Variants in ARHGAP26 observed in about 807,000 individuals in gnomAD.
The protein encoded by ARHGAP26 is Rho GTPase activating protein 26, also known as rho GTPase-activating protein 26.
In ARHGAP26, 38 loss-of-function variants were observed where a neutral mutation model predicts 104.8. The ratio of observed to expected loss-of-function variants is 0.36; its 90% CI spans 0.28 to 0.48. ARHGAP26 has a LOEUF of 0.48. ARHGAP26 is among the 20% of genes least tolerant of loss of function. ARHGAP26 has a pLI of 0.99. For missense variants in ARHGAP26, 704 were observed against 947.9 expected (o/e 0.74, Z 3.38); for synonymous variants, 341 against 340.0 (o/e 1.00, Z -0.03).
chr5:142,917,688 C>T (rs1762674038), intron 10 of ARHGAP26, among the ~76,000 whole-genome samples: 2 of 152,088 alleles, frequency 1.3e-5, no homozygotes, highest in Non-Finnish European at 2.9e-5. Flanking sequence ...TACACCTTTT[C>T]TTCCATCTTT....
chr5:142,792,668 C>G (rs1760102151), intron 1 of ARHGAP26, among the ~76,000 whole-genome samples: 1 of 152,180 alleles, frequency 6.6e-6, no homozygotes, highest in Admixed American at 6.5e-5. Context: ...TAGTTCATGA[C>G]CTAGAGACTG....
intron 1 of ARHGAP26, among the ~76,000 whole-genome samples, chr5:142,845,759 A>G (rs1771815600): frequency 6.6e-6 from 1 of 152,196 alleles, no homozygotes; most frequent in African/African-American, 2.4e-5. Flanking sequence ...GGTCCTCACC[A>G]TGATGGCTTC....
intron 20 of ARHGAP26, among the ~76,000 whole-genome samples, chr5:143,204,952 T>C (rs1808335788): frequency 6.6e-6 from 1 of 152,036 alleles, no homozygotes; most frequent in South Asian, 2.1e-4. Context: ...TGGGCTGGGC[T>C]GTGGTTTGAA....
chr5:143,058,986 C>CA (rs1786279180), intron 17 of ARHGAP26, among the ~76,000 whole-genome samples: 1 of 152,176 alleles, frequency 6.6e-6, no homozygotes, highest in South Asian at 2.1e-4. Context: ...CTAAAGGTGT[C>CA]AAAGAATCCC....
intron 20 of ARHGAP26, among the ~76,000 whole-genome samples, chr5:143,203,969 A>G (rs1475704356): frequency 2.0e-5 from 3 of 152,098 alleles, no homozygotes; most frequent in Non-Finnish European, 2.9e-5. Context: ...CCTAATGTAG[A>G]TGATGGGTTG....
intron 14 of ARHGAP26, among the ~76,000 whole-genome samples, chr5:143,054,202 A>G (rs1421166756): frequency 2.0e-5 from 3 of 152,156 alleles, no homozygotes; most frequent in Non-Finnish European, 2.9e-5. Context: ...AAACTCTTGC[A>G]TTTGTCTCTC....
intron 1 of ARHGAP26, among the ~76,000 whole-genome samples, chr5:142,827,555 A>G (rs1767538503): frequency 6.6e-6 from 1 of 152,184 alleles, no homozygotes; most frequent in Non-Finnish European, 1.5e-5. Context: ...GGTTAAGAGC[A>G]TGGGCTTTAG....
chr5:143,086,812 T>C (rs527935961), intron 17 of ARHGAP26, among the ~76,000 whole-genome samples: 9 of 152,328 alleles, frequency 5.9e-5, no homozygotes, highest in African/African-American at 2.2e-4. Flanking sequence ...GAACTAACTT[T>C]AGTTGATATG....
chr5:143,044,627 T>A (rs903250311), intron 14 of ARHGAP26, among the ~76,000 whole-genome samples: 23 of 152,188 alleles, frequency 1.5e-4, no homozygotes. Context: ...TGAAACCCAG[T>A]GGACTGAGCA....
chr5:142,787,144 T>G (rs1362831848), intron 1 of ARHGAP26, among the ~76,000 whole-genome samples: 1 of 152,124 alleles, frequency 6.6e-6, no homozygotes, highest in African/African-American at 2.4e-5. Flanking sequence ...GCACAGAACT[T>G]CTGGCTCACT....
At chr5:142,945,349 G>A (rs189522582) in intron 11 of ARHGAP26, among the ~76,000 whole-genome samples, 6 of 152,264 alleles carry the variant, frequency 3.9e-5, no homozygotes, top group Admixed American at 3.3e-4. Context: ...ATTCTAAAGG[G>A]CAGTCTCTGT....
At chr5:142,880,609 C>G (rs542415937) in intron 4 of ARHGAP26, among the ~76,000 whole-genome samples, 7 of 152,182 alleles carry the variant, frequency 4.6e-5, no homozygotes, top group Non-Finnish European at 7.4e-5. Context: ...TCATTGGAAT[C>G]AATGAAAGCA....
At chr5:142,970,647 C>T (rs1772129771) in intron 11 of ARHGAP26, among the ~76,000 whole-genome samples, 1 of 152,178 alleles carries the variant, frequency 6.6e-6, no homozygotes, top group Non-Finnish European at 1.5e-5. Context: ...GCTGATTGGC[C>T]AGGGTGTAAC....
At chr5:143,062,753 A>G (rs1025505353) in intron 17 of ARHGAP26, among the ~76,000 whole-genome samples, 1 of 152,210 alleles carries the variant, frequency 6.6e-6, no homozygotes, top group African/African-American at 2.4e-5. Context: ...GGTTCAAAAT[A>G]AAAGAAAGTG....
chr5:143,179,261 AGG>A (rs1343147147), intron 20 of ARHGAP26, among the ~76,000 whole-genome samples: 1 of 152,214 alleles, frequency 6.6e-6, no homozygotes, highest in Non-Finnish European at 1.5e-5. Context: ...GGCTGGCATG[AGG>A]GCTTATTCCT....
chr5:142,829,253 G>C (rs11746557), intron 1 of ARHGAP26, among the ~76,000 whole-genome samples: 1 of 152,184 alleles, frequency 6.6e-6, no homozygotes, highest in Non-Finnish European at 1.5e-5. Context: ...AAATGTCCTA[G>C]GTCACACCTG....
intron 1 of ARHGAP26, among the ~76,000 whole-genome samples, chr5:142,787,042 T>C (rs952621073): frequency 6.6e-6 from 1 of 152,218 alleles, no homozygotes; most frequent in African/African-American, 2.4e-5. Context: ...AGTGGTCTCA[T>C]CTAGGTGAAC....
chr5:142,964,912 G>A (rs1409892759), intron 11 of ARHGAP26, among the ~76,000 whole-genome samples: 1 of 152,192 alleles, frequency 6.6e-6, no homozygotes, highest in Non-Finnish European at 1.5e-5. Context: ...GCGGAGACCA[G>A]TGGTGGCCCC....
intron 12 of ARHGAP26, among the ~76,000 whole-genome samples, chr5:143,031,514 G>A (rs1216513635): frequency 1.3e-5 from 2 of 151,954 alleles, no homozygotes; most frequent in African/African-American, 4.8e-5. Flanking sequence ...GAGGTAAGAA[G>A]TGGTGCCAAG....
Sources: allele counts gnomAD v4.1 joint callset (sites outside exome capture counted in the v4.1 genomes callset), GRCh38; gene constraint gnomAD v4.1.1; transcripts MANE v1.5; gene names NCBI Gene and HGNC (gene_info 2026-07-23, HGNC 2026-07-21).